Variants in CLDN16 observed in about 807,000 individuals in gnomAD.
CLDN16 encodes claudin-16.
Under a neutral mutation model 24.6 loss-of-function variants are expected in CLDN16, and 13 were observed. The ratio of observed to expected loss-of-function variants is 0.53; its 90% CI spans 0.34 to 0.84. CLDN16 has a LOEUF of 0.84. Among genes scored for constraint, CLDN16 ranks in the 40% least tolerant of loss-of-function variants. CLDN16 has a pLI of 0.01. For missense variants in CLDN16, 298 were observed against 292.7 expected (o/e 1.02, Z -0.13); for synonymous variants, 116 against 106.7 (o/e 1.09, Z -0.54).
At position 190,371,416 on chromosome 3, in the gene CLDN16, T is replaced by C. The variant is rs192528320; in HGVS notation, n.230+415T>C. On this transcript the variant is annotated intron_variant and non_coding_transcript_variant, in intron 2 of 4. Coordinates refer to the CLDN16 transcript ENST00000468220. ...GTCTCACGCTTCCAAACCCTACACTTCGTAGGTTCACTGCCATGCCAGGAT... is the reference window on the plus strand; with the variant it reads ...GTCTCACGCTTCCAAACCCTACACTCCGTAGGTTCACTGCCATGCCAGGAT... Among the ~76,000 whole-genome samples, 724 of 151,930 alleles carry C rather than the reference T, an allele frequency of 4.8e-3. 2 individuals are homozygous for C. Among genetic ancestry groups the C allele is most frequent in the Non-Finnish European group, 7.9e-3 (538 of 67,876 alleles).
At chr3:190,322,482 C>T, upstream of CLDN16, 7 of 481,298 alleles carry the variant, frequency 1.5e-5, no homozygotes, top group South Asian at 1.6e-4. Flanking sequence ...AAAGCAGCTC[C>T]GCCCGCCTCA....
At chr3:190,328,019 T>G (rs1717104634) in intron 1 of CLDN16, among the ~76,000 whole-genome samples, 1 of 151,922 alleles carries the variant, frequency 6.6e-6, no homozygotes, top group South Asian at 2.1e-4. Flanking sequence ...TGGTGGCTCA[T>G]CCCTATAATC....
intron 1 of CLDN16, among the ~76,000 whole-genome samples, chr3:190,390,667 A>G (rs13098887): frequency 0.31 from 46,643 of 152,154 alleles, 7,535 homozygotes; most frequent in East Asian, 0.39. Flanking sequence ...GCCAGGATAG[A>G]AACTTATATT....
intron 1 of CLDN16, among the ~76,000 whole-genome samples, chr3:190,392,552 A>G (rs1718707262): frequency 6.6e-6 from 1 of 152,182 alleles, no homozygotes; most frequent in African/African-American, 2.4e-5. Context: ...ACCGACAGTT[A>G]TAGCACCATG....
intron 4 of CLDN16, among the ~76,000 whole-genome samples, chr3:190,408,787 T>C (rs1719174694): frequency 6.7e-6 from 1 of 148,468 alleles, no homozygotes; most frequent in African/African-American, 2.5e-5. Context: ...TATATACATA[T>C]ATACACACAT....
chr3:190,337,476 A>G (rs557672829), intron 1 of CLDN16, among the ~76,000 whole-genome samples: 40 of 152,346 alleles, frequency 2.6e-4, no homozygotes, highest in African/African-American at 9.1e-4. Flanking sequence ...AGGTCTCACG[A>G]ATGTAGTAGT....
chr3:190,291,941 C>T, the CLDN16 span, among the ~76,000 whole-genome samples: 26 of 152,300 alleles, frequency 1.7e-4, no homozygotes, highest in East Asian at 5.8e-4. Context: ...GGCGGGCCCC[C>T]ACAGCCTTGG....
At chr3:190,294,106 G>T in the CLDN16 span, among the ~76,000 whole-genome samples, 1 of 152,164 alleles carries the variant, frequency 6.6e-6, no homozygotes, top group African/African-American at 2.4e-5. Context: ...ATTGCTTTCT[G>T]TTGGGATTTA....
At chr3:190,310,721 G>C in the CLDN16 span, among the ~76,000 whole-genome samples, 4 of 152,282 alleles carry the variant, frequency 2.6e-5, no homozygotes, top group Admixed American at 6.5e-5. Context: ...CAGCTAGATA[G>C]AGTGAGATCA....
chr3:190,386,765 C>G (rs772080278), upstream of CLDN16, among the ~76,000 whole-genome samples: 5 of 152,168 alleles, frequency 3.3e-5, no homozygotes, highest in Non-Finnish European at 7.4e-5. Context: ...TATATTCCAC[C>G]TATGGTTTTC....
chr3:190,381,709 A>G (rs1048324427), intron 3 of CLDN16, among the ~76,000 whole-genome samples: 4 of 152,190 alleles, frequency 2.6e-5, no homozygotes, highest in African/African-American at 9.6e-5. Flanking sequence ...TTAAGTGAGA[A>G]CAGATGTGCT....
At position 190,404,886 on chromosome 3, in the gene CLDN16, C is replaced by G; in HGVS notation, c.342C>G (p.Val114=). 1.2e-6 allele frequency: 2 copies of G among 1,614,122 alleles called. No homozygotes were observed. The highest frequency in any genetic ancestry group is 1.7e-6 in the Non-Finnish European group (2 of 1,180,020). ...TCCCTGATGAGCCGTACATTAAAGT[C>G]CGCATCTGCTTTGTTGCTGGAGCCA... ...KFLPDEPYIK[V]RICFVAGATL... is the part of the protein sequence containing the mutation. Residue 114 remains valine, a synonymous_variant, in exon 3 of 5, where the codon GTC becomes GTG. Transcript: ENST00000264734.
intron 1 of CLDN16, among the ~76,000 whole-genome samples, chr3:190,364,286 G>A (rs1164534586): frequency 6.6e-6 from 1 of 151,866 alleles, no homozygotes; most frequent in Non-Finnish European, 1.5e-5. Context: ...AGATGTAGCA[G>A]TATTGCAGTG....
At chr3:190,338,834 TG>T (rs1237627794) in intron 1 of CLDN16, among the ~76,000 whole-genome samples, 1 of 152,184 alleles carries the variant, frequency 6.6e-6, no homozygotes, top group Non-Finnish European at 1.5e-5. Context: ...GAAGTGTGAG[TG>T]GCAGACTTGG....
intron 1 of CLDN16, among the ~76,000 whole-genome samples, chr3:190,326,457 T>C (rs1251401324): frequency 1.3e-5 from 2 of 152,136 alleles, no homozygotes; most frequent in East Asian, 3.9e-4. Flanking sequence ...GAGCTTTCAG[T>C]GAGATTTCTA....
chr3:190,363,568 A>G (rs1442060197), intron 1 of CLDN16, among the ~76,000 whole-genome samples: 32 of 122,604 alleles, frequency 2.6e-4, no homozygotes, highest in African/African-American at 1.1e-3. Flanking sequence ...ATATATATAT[A>G]TATATATATA....
At chr3:190,344,057 T>C (rs1717496871) in intron 1 of CLDN16, among the ~76,000 whole-genome samples, 1 of 152,130 alleles carries the variant, frequency 6.6e-6, no homozygotes, top group Non-Finnish European at 1.5e-5. Flanking sequence ...TATATACATG[T>C]ATCATAACAT....
chr3:190,316,579 G>A, the CLDN16 span, among the ~76,000 whole-genome samples: 2 of 152,102 alleles, frequency 1.3e-5, no homozygotes, highest in Non-Finnish European at 2.9e-5. Context: ...GTTTTAAGCC[G>A]GAAACAGATG....
chr3:190,300,616 T>G, the CLDN16 span, among the ~76,000 whole-genome samples: 5 of 152,230 alleles, frequency 3.3e-5, no homozygotes, highest in Non-Finnish European at 5.9e-5. Context: ...TCTGAAATAT[T>G]TGCTCTCTGG....
Sources: gnomAD v4.1 joint callset for allele counts (sites outside exome capture counted in the v4.1 genomes callset) on GRCh38, gnomAD v4.1.1 for gene constraint, MANE v1.5 for transcripts, NCBI Gene and HGNC (gene_info 2026-07-23, HGNC 2026-07-21) for gene names.